MYRIP: variants seen among roughly 807,000 people sequenced by gnomAD.
MYRIP encodes rab effector MyRIP.
Under a neutral mutation model 98.0 loss-of-function variants are expected in MYRIP, and 49 were observed. That is an observed-to-expected ratio of 0.50 (90% confidence interval 0.40 to 0.63). MYRIP has a LOEUF of 0.63. Among genes scored for constraint, MYRIP ranks in the 30% least tolerant of loss-of-function variants. The probability of loss-of-function intolerance (pLI) is 0.00; values close to 1 mark genes in which losing one functional copy is unlikely to be tolerated. For synonymous variants in MYRIP, 404 were observed against 409.5 expected, an observed-to-expected ratio of 0.99 and a Z score of 0.16; for missense variants, 1,004 against 1,058.2, an observed-to-expected ratio of 0.95 and a Z score of 0.71.
At chr3:39,844,962 C>T (rs1218992448) in intron 1 of MYRIP, among the ~76,000 whole-genome samples, 2 of 152,188 alleles carry the variant, frequency 1.3e-5, no homozygotes, top group Non-Finnish European at 2.9e-5. Flanking sequence ...TCAGGCCCCA[C>T]TCAAAACTGG....
intron 3 of MYRIP, among the ~76,000 whole-genome samples, chr3:40,106,232 G>A (rs748436992): frequency 1.4e-4 from 22 of 151,810 alleles, no homozygotes; most frequent in East Asian, 3.9e-4. Context: ...TCAGGCCCCC[G>A]AGACCAGTCT....
intron 8 of MYRIP, among the ~76,000 whole-genome samples, chr3:40,172,486 T>C (rs1324378128): frequency 6.6e-6 from 1 of 151,888 alleles, no homozygotes; most frequent in Non-Finnish European, 1.5e-5. Flanking sequence ...GGCTAGAAAA[T>C]GGGGTAAGGG....
chr3:39,995,560 T>G (rs550982239), intron 2 of MYRIP, among the ~76,000 whole-genome samples: 1 of 152,174 alleles, frequency 6.6e-6, no homozygotes, highest in Non-Finnish European at 1.5e-5. Flanking sequence ...CTACGTCTGA[T>G]TGGTGTACTT....
intron 2 of MYRIP, among the ~76,000 whole-genome samples, chr3:40,021,337 G>A (rs1946993116): frequency 6.6e-6 from 1 of 152,104 alleles, no homozygotes. Context: ...AGTGAGACTT[G>A]GCATCTCTCC....
chr3:39,822,239 G>A (rs965450533), intron 1 of MYRIP, among the ~76,000 whole-genome samples: 8 of 151,934 alleles, frequency 5.3e-5, no homozygotes, highest in Non-Finnish European at 1.0e-4. Context: ...CAATATATAC[G>A]GTATACAGTG....
chr3:40,178,374 A>C (rs1450017528), intron 8 of MYRIP, among the ~76,000 whole-genome samples: 1 of 152,244 alleles, frequency 6.6e-6, no homozygotes, highest in African/African-American at 2.4e-5. Flanking sequence ...CAGTTGGTTC[A>C]CGTGGCAAGT....
chr3:40,134,389 C>T (rs529702850), intron 3 of MYRIP, among the ~76,000 whole-genome samples: 1 of 152,400 alleles, frequency 6.6e-6, no homozygotes, highest in Non-Finnish European at 1.5e-5. Flanking sequence ...AGCCGGGAAG[C>T]TGGAACTGGG....
chr3:40,033,406 A>G (rs1470068172), intron 2 of MYRIP, among the ~76,000 whole-genome samples: 1 of 152,124 alleles, frequency 6.6e-6, no homozygotes, highest in Non-Finnish European at 1.5e-5. Flanking sequence ...AAAAATCACA[A>G]GCATTCTTAT....
intron 3 of MYRIP, among the ~76,000 whole-genome samples, chr3:40,129,163 A>C (rs1444309343): frequency 1.3e-5 from 2 of 151,866 alleles, no homozygotes; most frequent in Non-Finnish European, 2.9e-5. Flanking sequence ...ATGACTGGGC[A>C]CAGTGGCTCA....
chr3:40,192,356 ATATT>A lies in MYRIP; in HGVS notation c.1665+1900_1665+1903del, dbSNP rs200792165. On this transcript the variant is annotated intron_variant, in intron 10 of 16. Coordinates refer to ENST00000302541, the MANE Select transcript of MYRIP (RefSeq NM_015460.4). ...ATATATATATGTCATATATATATTT[ATATT>A]TATTTAAGTTATTTACTTTTTAATT... Among the ~76,000 whole-genome samples, 82 of 69,544 alleles carry A rather than the reference ATATT, an allele frequency of 1.2e-3. 3 individuals are homozygous for A. Among genetic ancestry groups the A allele is most frequent in the East Asian group, 0.011 (30 of 2,690 alleles). The allele number at this position is 69,544 out of a possible 152,430, so 45.6% of individuals were successfully genotyped here. A position where few individuals can be genotyped will look rare whatever the true frequency, so the allele number is the denominator to read the frequency against.
At chr3:40,256,769 T>A (rs531129297) in intron 16 of MYRIP, among the ~76,000 whole-genome samples, 1 of 152,270 alleles carries the variant, frequency 6.6e-6, no homozygotes, top group African/African-American at 2.4e-5. Context: ...TTTGCTGATT[T>A]TTTTTTTAAG....
intron 3 of MYRIP, among the ~76,000 whole-genome samples, chr3:40,127,400 A>C (rs1398827123): frequency 6.6e-6 from 1 of 152,192 alleles, no homozygotes; most frequent in Non-Finnish European, 1.5e-5. Flanking sequence ...AACCAGCCCA[A>C]GTTCTGGAGG....
intron 11 of MYRIP, among the ~76,000 whole-genome samples, chr3:40,222,972 C>A (rs1270169079): frequency 6.6e-6 from 1 of 152,204 alleles, no homozygotes; most frequent in Non-Finnish European, 1.5e-5. Context: ...AGCCATTAAT[C>A]TTCCCTGAAC....
At chr3:40,041,022 GAAAAAA>G in intron 2 of MYRIP, among the ~76,000 whole-genome samples, 7 of 41,210 alleles carry the variant, frequency 1.7e-4, no homozygotes, top group Non-Finnish European at 2.8e-4. Context: ...ATTACCAGCA[GAAAAAA>G]AAAAAAAAAA....
chr3:40,168,424 C>T (rs1027241167), intron 7 of MYRIP, among the ~76,000 whole-genome samples: 4 of 152,194 alleles, frequency 2.6e-5, no homozygotes, highest in African/African-American at 9.7e-5. Context: ...GCAGAATCAT[C>T]GAACTCAAAG....
At chr3:40,210,773 T>C (rs746326670) in intron 11 of MYRIP, among the ~76,000 whole-genome samples, 8 of 152,112 alleles carry the variant, frequency 5.3e-5, no homozygotes, top group African/African-American at 1.7e-4. Context: ...AAGGACACAG[T>C]TGGAAAACCA....
chr3:39,867,306 A>T (rs1559501750), intron 1 of MYRIP, among the ~76,000 whole-genome samples: 1 of 152,230 alleles, frequency 6.6e-6, no homozygotes, highest in Admixed American at 6.5e-5. Flanking sequence ...CAACAAAAAA[A>T]TAAACATGTT....
At chr3:39,996,017 G>A (rs1038119560) in intron 2 of MYRIP, among the ~76,000 whole-genome samples, 1 of 152,092 alleles carries the variant, frequency 6.6e-6, no homozygotes, top group South Asian at 2.1e-4. Flanking sequence ...TGCCATACAA[G>A]AGCTCCTGAA....
intron 2 of MYRIP, among the ~76,000 whole-genome samples, chr3:39,999,361 G>A (rs1364605468): frequency 6.6e-6 from 1 of 152,170 alleles, no homozygotes; most frequent in Non-Finnish European, 1.5e-5. Context: ...ACAAGTGGGT[G>A]AAGGATATGA....
Sources: allele counts gnomAD v4.1 joint callset (sites outside exome capture counted in the v4.1 genomes callset), GRCh38; gene constraint gnomAD v4.1.1; transcripts MANE v1.5; gene names NCBI Gene and HGNC (gene_info 2026-07-23, HGNC 2026-07-21).